The following CMTM7 variants were observed in gnomAD, a reference collection of about 807,000 sequenced individuals.
The protein encoded by CMTM7 is CKLF like MARVEL transmembrane domain containing 7, also known as CKLF-like MARVEL transmembrane domain-containing protein 7.
Under a neutral mutation model 19.3 loss-of-function variants are expected in CMTM7, and 7 were observed. That is an observed-to-expected ratio of 0.36 (90% CI 0.21 to 0.68). The LOEUF is 0.68. Ranked by LOEUF, CMTM7 falls within the 30% of genes least tolerant of loss-of-function variation. The pLI is 0.60. For synonymous variants in CMTM7, 87 were observed against 99.3 expected (o/e 0.88, Z 0.74); for missense variants, 193 against 232.6 (o/e 0.83, Z 1.11).
intron 1 of CMTM7, among the ~76,000 whole-genome samples, chr3:32,427,289 A>G (rs991771192): frequency 1.3e-5 from 2 of 152,234 alleles, no homozygotes; most frequent in Admixed American, 1.3e-4. Context: ...GAGCAGGACA[A>G]ACACGTAGTG....
intron 1 of CMTM7, among the ~76,000 whole-genome samples, chr3:32,420,208 A>G (rs929236107): frequency 6.6e-6 from 1 of 152,188 alleles, no homozygotes; most frequent in Non-Finnish European, 1.5e-5. Flanking sequence ...CCTTTCGTCC[A>G]TGTCTCTTTG....
At chr3:32,408,594 A>G (rs1696122326) in intron 1 of CMTM7, among the ~76,000 whole-genome samples, 1 of 152,188 alleles carries the variant, frequency 6.6e-6, no homozygotes, top group Non-Finnish European at 1.5e-5. Flanking sequence ...TGGTTCTCAG[A>G]TGGCAGGGTG....
chr3:32,400,942 G>A (rs1695993333), intron 1 of CMTM7, among the ~76,000 whole-genome samples: 1 of 152,196 alleles, frequency 6.6e-6, no homozygotes, highest in South Asian at 2.1e-4. Context: ...TTTCCAGAGA[G>A]AGAAATGAAG....
intron 1 of CMTM7, among the ~76,000 whole-genome samples, chr3:32,425,493 G>GAAAAA (rs5847764): frequency 1.4e-5 from 2 of 147,586 alleles, no homozygotes; most frequent in Non-Finnish European, 1.5e-5. Context: ...GACTTTCCAG[G>GAAAAA]AAAAAAAAAA....
chr3:32,400,909 T>C (rs1435517189), intron 1 of CMTM7, among the ~76,000 whole-genome samples: 2 of 152,206 alleles, frequency 1.3e-5, no homozygotes, highest in Admixed American at 1.3e-4. Context: ...TAAATACTTC[T>C]TCAGGATAAT....
chr3:32,440,918 C>G (rs1201565566), intron 1 of CMTM7, among the ~76,000 whole-genome samples: 1 of 152,244 alleles, frequency 6.6e-6, no homozygotes, highest in African/African-American at 2.4e-5. Flanking sequence ...CAGACTGTTA[C>G]TCATTCTACT....
At chr3:32,454,148 C>A (rs1575129180) in intron 4 of CMTM7, 93 bp from the exon 5 acceptor site, 5 of 1,365,194 alleles carry the variant, frequency 3.7e-6, no homozygotes, top group Non-Finnish European at 5.0e-6. Flanking sequence ...CAGGTGCCCC[C>A]CTGAGCAGAA....
intron 1 of CMTM7, among the ~76,000 whole-genome samples, chr3:32,438,141 G>A (rs566697723): frequency 2.6e-4 from 40 of 152,284 alleles, no homozygotes; most frequent in African/African-American, 8.9e-4. Flanking sequence ...GAATTCAGGC[G>A]TGTTTGTGCA....
At chr3:32,397,015 T>C (rs1442087746) in intron 1 of CMTM7, among the ~76,000 whole-genome samples, 3 of 152,204 alleles carry the variant, frequency 2.0e-5, no homozygotes, top group Admixed American at 6.5e-5. Flanking sequence ...TCAAGTAATC[T>C]GTGGTTCAGC....
chr3:32,430,681 A>ATGTGTGTGTGTGTGTGTG (rs35054129), intron 1 of CMTM7, among the ~76,000 whole-genome samples: 11,361 of 133,708 alleles, frequency 0.085, 648 homozygotes, highest in South Asian at 0.13. Context: ...CTACATCTGA[A>ATGTGTGTGTGTGTGTGTG]TGTGTGTGTG....
At chr3:32,452,297 T>A in intron 3 of CMTM7, 95 bp from the exon 4 acceptor site, 1 of 1,605,156 alleles carries the variant, frequency 6.2e-7, no homozygotes, top group South Asian at 1.1e-5. Flanking sequence ...GCCAGAGACA[T>A]GAAGGGAACA....
In CMTM7 at chr3:32,404,142, C is replaced by CTTTTTTTTCTTTTT. The variant is rs1559401304; in HGVS notation, c.159+12085_159+12086insCTTTTTTTTTTTTT. ...CCTTTGTTTAATCTTTTCTTTCTTT[C>CTTTTTTTTCTTTTT]TTTTTTTTTCTTTTTTTTTCTTTTT... On this transcript the variant is annotated intron_variant, in intron 1 of 4. Coordinates refer to ENST00000334983, the MANE Select transcript of CMTM7 (RefSeq NM_138410.4). Among the ~76,000 whole-genome samples, 115 of 109,232 alleles carry CTTTTTTTTCTTTTT rather than the reference C, an allele frequency of 1.1e-3. 10 individuals are homozygous for CTTTTTTTTCTTTTT. The highest frequency in any genetic ancestry group is 4.0e-3 in the African/African-American group (94 of 23,576). The allele number at this position is 109,232 out of a possible 152,430, so 71.7% of individuals were successfully genotyped here. A position where few individuals can be genotyped will look rare whatever the true frequency, so the allele number is the denominator to read the frequency against.
Position 32,449,615 on chromosome 3 carries a change from GA to G in CMTM7, c.432+64del. On this transcript the variant is annotated intron_variant, in intron 3 of 4. Transcript: ENST00000334983. This position sits in a 1 kb window ranked among gnomAD's most constrained non-coding sequence, Gnocchi z 4.5. ...TATTTAAAATGCTCATTTTCTTCCT[GA>G]TGGGGGAAGAGAAGGGCTTGGTTTC... 7.9e-7 allele frequency: 1 copy of G among 1,264,454 alleles called. No individual in the cohort carries two copies. 78.3% of individuals were successfully genotyped at this position (1,264,454 alleles called of 1,614,324 possible).
intron 1 of CMTM7, among the ~76,000 whole-genome samples, chr3:32,423,023 A>G (rs1696368306): frequency 6.6e-6 from 1 of 152,260 alleles, no homozygotes; most frequent in African/African-American, 2.4e-5. Context: ...CCTCAGTGGC[A>G]TACAGCAATA....
chr3:32,420,894 C>T (rs1025930733), intron 1 of CMTM7, among the ~76,000 whole-genome samples: 1 of 152,156 alleles, frequency 6.6e-6, no homozygotes, highest in Admixed American at 6.5e-5. Flanking sequence ...CAGACGGAAT[C>T]GCTTGACCAT....
chr3:32,392,152 AC>A, intron 1 of CMTM7, 87 bp downstream of exon 1: 1 of 1,024,628 alleles, frequency 9.8e-7, no homozygotes, highest in Admixed American at 4.3e-5. Flanking sequence ...GGGCGTCTGG[AC>A]CCGGCCGGAG....
intron 1 of CMTM7, among the ~76,000 whole-genome samples, chr3:32,408,463 T>C (rs1424307153): frequency 6.6e-6 from 1 of 152,248 alleles, no homozygotes; most frequent in East Asian, 1.9e-4. Context: ...AGAATGGCAA[T>C]GACATCTCAT....
intron 1 of CMTM7, among the ~76,000 whole-genome samples, chr3:32,399,912 G>A (rs556642290): frequency 6.6e-6 from 1 of 152,272 alleles, no homozygotes; most frequent in East Asian, 1.9e-4. Context: ...GTTCATTGTG[G>A]AAACTTTGGG....
chr3:32,402,457 C>T (rs1047455020), intron 1 of CMTM7, among the ~76,000 whole-genome samples: 1 of 152,180 alleles, frequency 6.6e-6, no homozygotes, highest in Admixed American at 6.5e-5. Context: ...ACCAGAGAGG[C>T]GGTAACCCGC....
Sources: allele counts gnomAD v4.1 joint callset (sites outside exome capture counted in the v4.1 genomes callset), GRCh38; gene constraint gnomAD v4.1.1; non-coding constraint Gnocchi (gnomAD v3.1); transcripts MANE v1.5; gene names NCBI Gene and HGNC (gene_info 2026-07-23, HGNC 2026-07-21).